The following SOX5 variants were observed in gnomAD, a reference collection of about 807,000 sequenced individuals.
SOX5 encodes SRY-box transcription factor 5, also known as transcription factor SOX-5.
SOX5 carries 9 observed loss-of-function variants against 92.0 expected under a neutral mutation model. That is an observed-to-expected ratio of 0.10 (90% CI 0.06 to 0.17). The LOEUF (loss-of-function observed/expected upper bound fraction) is 0.17. SOX5 is among the 10% of genes least tolerant of loss of function. SOX5 has a pLI of 1.00. For synonymous variants in SOX5, 344 were observed against 336.3 expected (o/e 1.02, Z -0.25); for missense variants, 642 against 944.5 (o/e 0.68, Z 4.20).
At position 24,326,462 on chromosome 12, in the gene SOX5, G is replaced by A. The variant is rs78593795; in HGVS notation, c.-174+42101C>T. On this transcript the variant is annotated intron_variant, in intron 2 of 4. Coordinates refer to the SOX5 transcript ENST00000446891. The stretch of plus-strand genomic sequence containing the variant: ...CCTTCATTTGATCGCACTTGTGTAT[G>A]TTTATCTATCCCTACTAGACTGTAA... Among the ~76,000 whole-genome samples, 1,261 of 132,674 alleles carry A rather than the reference G, an allele frequency of 9.5e-3. 15 individuals carry two copies. The highest frequency in any genetic ancestry group is 0.032 in the African/African-American group (1,166 of 36,842). The allele number at this position is 132,674 out of a possible 152,430, so 87.0% of individuals were successfully genotyped here. A position where few individuals can be genotyped will look rare whatever the true frequency, so the allele number is the denominator to read the frequency against.
intron 4 of SOX5, among the ~76,000 whole-genome samples, chr12:24,000,233 C>T (rs1951464144): frequency 6.6e-6 from 1 of 151,124 alleles, no homozygotes; most frequent in Admixed American, 6.6e-5. Flanking sequence ...CTTCGATCCG[C>T]AGAAAGAAAT....
chr12:23,716,308 G>A (rs531806120), intron 6 of SOX5, among the ~76,000 whole-genome samples: 1 of 152,218 alleles, frequency 6.6e-6, no homozygotes, highest in Admixed American at 6.5e-5. Flanking sequence ...AGAGAACTTT[G>A]GCATAGTTAA....
intron 1 of SOX5, among the ~76,000 whole-genome samples, chr12:24,405,311 G>C (rs1962671194): frequency 6.6e-6 from 1 of 152,108 alleles, no homozygotes; most frequent in Admixed American, 6.6e-5. Flanking sequence ...TATACTATTT[G>C]AAGTATTTTA....
chr12:23,737,893 C>T (rs2093661513), intron 5 of SOX5, among the ~76,000 whole-genome samples: 1 of 152,046 alleles, frequency 6.6e-6, no homozygotes, highest in Non-Finnish European at 1.5e-5. Context: ...AAATGTCTTC[C>T]CTGAGCACCC....
At chr12:24,359,475 C>T (rs1328670498) in intron 2 of SOX5, among the ~76,000 whole-genome samples, 1 of 152,096 alleles carries the variant, frequency 6.6e-6, no homozygotes, top group Non-Finnish European at 1.5e-5. Context: ...AACATAATAC[C>T]TTTTGAAATG....
intron 4 of SOX5, among the ~76,000 whole-genome samples, chr12:23,997,263 G>A (rs1014548399): frequency 2.6e-5 from 4 of 152,062 alleles, no homozygotes; most frequent in African/African-American, 9.7e-5. Flanking sequence ...TACCAGACAT[G>A]GCAAACTGTA....
At chr12:23,803,359 C>T (rs1026125382) in intron 3 of SOX5, among the ~76,000 whole-genome samples, 19 of 152,172 alleles carry the variant, frequency 1.2e-4, no homozygotes, top group African/African-American at 3.9e-4. Flanking sequence ...CTTTCTTTCA[C>T]AAGTCATTTT....
At chr12:24,252,141 G>A (rs1448233378) in intron 3 of SOX5, among the ~76,000 whole-genome samples, 1 of 152,118 alleles carries the variant, frequency 6.6e-6, no homozygotes. Flanking sequence ...TTACACAAAT[G>A]AGCACATTCC....
chr12:24,352,276 C>T (rs56259319), intron 2 of SOX5, among the ~76,000 whole-genome samples: 6 of 152,102 alleles, frequency 3.9e-5, no homozygotes, highest in Non-Finnish European at 2.9e-5. Context: ...ATGGAAATAA[C>T]GAGTTCTCTC....
chr12:24,425,091 T>G (rs1017836808), intron 1 of SOX5, among the ~76,000 whole-genome samples: 1 of 152,180 alleles, frequency 6.6e-6, no homozygotes, highest in Admixed American at 6.6e-5. Flanking sequence ...CAAAATGATA[T>G]CAGAATTAAT....
intron 4 of SOX5, among the ~76,000 whole-genome samples, chr12:24,187,918 G>A (rs572767463): frequency 6.6e-6 from 1 of 152,246 alleles, no homozygotes; most frequent in South Asian, 2.1e-4. Flanking sequence ...ACTTAGCAAC[G>A]GAGTTTTAAT....
chr12:24,000,767 A>AT lies in SOX5; in HGVS notation c.-1-104744dup, dbSNP rs1041862355. ...CAAAAGGGAGAGACTGTAATGCAAG[A>AT]TTTTTTTAAAAAAAGATTTAATTAT... On this transcript the variant is annotated intron_variant, in intron 4 of 4. Coordinates refer to the SOX5 transcript ENST00000446891. Among the ~76,000 whole-genome samples the AT allele has an allele frequency of 3.9e-5, 6 of 152,268 alleles. 1 individual carries two copies. The South Asian group carries it at 1.2e-3, about 32-fold the overall frequency.
chr12:23,871,755 A>C (rs1436730546), intron 2 of SOX5, among the ~76,000 whole-genome samples: 1 of 152,068 alleles, frequency 6.6e-6, no homozygotes, highest in East Asian at 1.9e-4. Flanking sequence ...ATTTTCTTCA[A>C]CCTCAATGTT....
chr12:23,606,424 A>G (rs2075267460), intron 8 of SOX5, among the ~76,000 whole-genome samples: 1 of 151,660 alleles, frequency 6.6e-6, no homozygotes. Context: ...TTATACACTA[A>G]AAATGAAATT....
intron 7 of SOX5, among the ~76,000 whole-genome samples, chr12:23,644,220 T>G (rs769743308): frequency 6.6e-6 from 1 of 152,140 alleles, no homozygotes; most frequent in Non-Finnish European, 1.5e-5. Context: ...AAGACAGATG[T>G]TTTTGGCCAA....
intron 8 of SOX5, among the ~76,000 whole-genome samples, chr12:23,612,026 C>T (rs1372330698): frequency 6.6e-6 from 1 of 151,664 alleles, no homozygotes; most frequent in African/African-American, 2.4e-5. Flanking sequence ...GAACTTTTTA[C>T]ACTGTTATTA....
intron 4 of SOX5, among the ~76,000 whole-genome samples, chr12:23,989,832 C>T (rs765269588): frequency 7.2e-5 from 11 of 152,068 alleles, no homozygotes; most frequent in Non-Finnish European, 1.3e-4. Context: ...AAATAAATTT[C>T]TGTTGTTCAA....
chr12:23,857,601 G>C (rs1257034949), intron 2 of SOX5, among the ~76,000 whole-genome samples: 2 of 152,174 alleles, frequency 1.3e-5, no homozygotes, highest in African/African-American at 2.4e-5. Flanking sequence ...CCTGGTGATA[G>C]TTACTTCTAT....
chr12:23,559,579 TC>T (rs951771652), intron 11 of SOX5, among the ~76,000 whole-genome samples: 3 of 152,234 alleles, frequency 2.0e-5, no homozygotes, highest in Non-Finnish European at 2.9e-5. Flanking sequence ...AAATCATCAG[TC>T]CCTATCTTCA....
Sources: allele counts gnomAD v4.1 joint callset (sites outside exome capture counted in the v4.1 genomes callset), GRCh38; gene constraint gnomAD v4.1.1; transcripts MANE v1.5; gene names NCBI Gene and HGNC (gene_info 2026-07-23, HGNC 2026-07-21).